PRKCB: variants seen among roughly 807,000 people sequenced by gnomAD.
PRKCB encodes the protein protein kinase C beta.
A neutral mutation model predicts 81.5 loss-of-function variants in PRKCB; 13 were observed. The observed-to-expected ratio is 0.16, with a 90% CI of 0.10 to 0.25. The LOEUF (loss-of-function observed/expected upper bound fraction) is 0.25, where lower values mean the gene tolerates loss of function less well. Ranked by LOEUF, PRKCB falls within the 10% of genes least tolerant of loss-of-function variation. PRKCB has a pLI of 1.00. For synonymous variants in PRKCB, 335 were observed against 321.4 expected, an observed-to-expected ratio of 1.04 and a Z score of -0.45; for missense variants, 509 against 875.7, an observed-to-expected ratio of 0.58 and a Z score of 5.29.
Position 23,959,169 on chromosome 16 carries a change from C to G in PRKCB, c.206-29339C>G, listed in dbSNP as rs1455444943. Among the ~76,000 whole-genome samples, 3 of 152,188 alleles carry G rather than the reference C, an allele frequency of 2.0e-5. No individual in the cohort carries two copies. In the East Asian group the frequency reaches 5.8e-4, roughly 29 times the overall value. On this transcript the variant is annotated intron_variant, in intron 2 of 16. Coordinates refer to ENST00000643927, the MANE Select transcript of PRKCB (RefSeq NM_002738.7). The stretch of plus-strand genomic sequence containing the variant: ...TAAACAATCTCACTTAGATACATCC[C>G]TTACCCCCTGTGGATTATGTCAAGG...
chr16:24,174,873 C>T, intron 12 of PRKCB: 2 of 310,128 alleles, frequency 6.4e-6, no homozygotes, highest in Non-Finnish European at 1.2e-5. Context: ...CTCAGTACTT[C>T]TTTCTCTTGC....
At chr16:24,082,656 T>G (rs544125071) in intron 5 of PRKCB, among the ~76,000 whole-genome samples, 1 of 152,276 alleles carries the variant, frequency 6.6e-6, no homozygotes, top group Non-Finnish European at 1.5e-5. Flanking sequence ...GACATTCATA[T>G]GAAAACAAAA....
chr16:24,094,290 G>T lies in PRKCB; in HGVS notation c.814G>T (p.Asp272Tyr). The change falls in exon 7 of 17, where the codon GAT (aspartate) becomes TAT (tyrosine). Residue 272 changes from aspartate (D) to tyrosine (Y), a missense_variant. By Grantham distance (160) the Asp-to-Tyr change is radical. This residue lies in a region of PRKCB where 184 missense variants were observed against 362.9 expected (regional missense o/e 0.51). Transcript: ENST00000643927. ...GISELQKASVDGWFKLLSQEE... is the reference protein window; with the variant it reads ...GISELQKASVYGWFKLLSQEE... ...TTCTGAACTTCAGAAAGCCAGTGTT[G>T]ATGGCTGGTAAGTAAGATTTTGCCT... 1 of 1,614,036 alleles carries T rather than the reference G, an allele frequency of 6.2e-7. No homozygotes were observed. Among genetic ancestry groups the T allele is most frequent in the Non-Finnish European group, 8.5e-7 (1 of 1,179,964 alleles).
chr16:23,841,746 C>G (rs536757640), intron 2 of PRKCB, among the ~76,000 whole-genome samples: 6 of 149,592 alleles, frequency 4.0e-5, no homozygotes, highest in Admixed American at 2.0e-4. Context: ...ACCTCCACTT[C>G]CCAGGTTCAA....
At chr16:24,186,490 C>A (rs778822756) in intron 15 of PRKCB, among the ~76,000 whole-genome samples, 1 of 152,172 alleles carries the variant, frequency 6.6e-6, no homozygotes, top group Non-Finnish European at 1.5e-5. Context: ...ACATAATATA[C>A]TAATAAAGGA....
intron 13 of PRKCB, among the ~76,000 whole-genome samples, chr16:24,181,785 A>AAAAAAAAAAAAAAAAAG (rs1567404410): frequency 6.7e-6 from 1 of 149,908 alleles, no homozygotes; most frequent in African/African-American, 2.4e-5. Context: ...AAAAAAAAAA[A>AAAAAAAAAAAAAAAAAG]AAAAAAGAAG....
intron 2 of PRKCB, among the ~76,000 whole-genome samples, chr16:23,904,906 C>T (rs1249655280): frequency 6.6e-6 from 1 of 152,046 alleles, no homozygotes; most frequent in South Asian, 2.1e-4. Flanking sequence ...TAAAACCAGG[C>T]TTTTTAAGAA....
At chr16:23,861,502 C>G (rs1962663325) in intron 2 of PRKCB, among the ~76,000 whole-genome samples, 1 of 152,138 alleles carries the variant, frequency 6.6e-6, no homozygotes, top group African/African-American at 2.4e-5. Flanking sequence ...TCTGGCGAGC[C>G]TAACAAGGAG....
In PRKCB at chr16:24,075,135, AT is replaced by A. The variant is rs1185339480; in HGVS notation, c.530-17653del. On this transcript the variant is annotated intron_variant, in intron 5 of 16. Transcript: ENST00000643927. ...CCTATCTCAAAAAAAAAAAAAAAAA[AT>A]TTAATTAAAGAAAATTAAATAAAAT... Among the ~76,000 whole-genome samples, 5 of 149,614 alleles carry A rather than the reference AT, an allele frequency of 3.3e-5. No individual in the cohort carries two copies. The South Asian group carries it at 8.4e-4, about 25-fold the overall frequency.
intron 10 of PRKCB, among the ~76,000 whole-genome samples, chr16:24,171,951 C>G (rs942976059): frequency 6.6e-6 from 1 of 152,102 alleles, no homozygotes; most frequent in Admixed American, 6.6e-5. Context: ...CCCTGTTGGC[C>G]AGGCTGGCCT....
At chr16:23,944,414 A>G (rs75264485) in intron 2 of PRKCB, among the ~76,000 whole-genome samples, 109 of 151,804 alleles carry the variant, frequency 7.2e-4, no homozygotes, top group Non-Finnish European at 1.4e-3. Context: ...AAATCTTTAG[A>G]TTTTTTTTTA....
At chr16:23,960,988 G>A (rs781564995) in intron 2 of PRKCB, among the ~76,000 whole-genome samples, 108 of 152,136 alleles carry the variant, frequency 7.1e-4, no homozygotes, top group Admixed American at 4.6e-4. Context: ...TTTGTGACAC[G>A]TAATAGAATT....
At chr16:24,090,110 C>A (rs181937166) in intron 5 of PRKCB, among the ~76,000 whole-genome samples, 297 of 152,310 alleles carry the variant, frequency 1.9e-3, no homozygotes, top group South Asian at 7.2e-3. Flanking sequence ...CCTATATCCC[C>A]AGGGCCTAGC....
chr16:23,916,413 A>G (rs1023531671), intron 2 of PRKCB, among the ~76,000 whole-genome samples: 4 of 151,844 alleles, frequency 2.6e-5, no homozygotes, highest in African/African-American at 7.3e-5. Context: ...AATTGTTTCT[A>G]TGGTCTCATT....
At chr16:24,102,825 G>T (rs1299155266) in intron 7 of PRKCB, among the ~76,000 whole-genome samples, 1 of 152,150 alleles carries the variant, frequency 6.6e-6, no homozygotes, top group Non-Finnish European at 1.5e-5. Flanking sequence ...TTGACTTTCA[G>T]TTGAACATTT....
chr16:24,166,285 G>T lies in PRKCB; in HGVS notation c.1240-5985G>T, dbSNP rs1967346604. On this transcript the variant is annotated intron_variant, in intron 10 of 16. Coordinates refer to ENST00000643927, the MANE Select transcript of PRKCB (RefSeq NM_002738.7). Reference sequence around the variant, plus strand: ...ATTGTGTGTAAGTTTTTTTAACGGAGTTAATAAAAATATTTTTAAAAAATA... The same window carrying T: ...ATTGTGTGTAAGTTTTTTTAACGGATTTAATAAAAATATTTTTAAAAAATA... Among the ~76,000 whole-genome samples the T allele has an allele frequency of 2.0e-5, 3 of 152,188 alleles. No homozygotes were observed. The South Asian group carries it at 6.2e-4, about 32-fold the overall frequency.
chr16:23,843,460 C>T (rs956933124), intron 2 of PRKCB, among the ~76,000 whole-genome samples: 6 of 151,816 alleles, frequency 4.0e-5, no homozygotes, highest in African/African-American at 1.2e-4. Context: ...TACCACCTGA[C>T]GGGGGATTTC....
chr16:24,188,671 G>C (rs1259325763), intron 15 of PRKCB, among the ~76,000 whole-genome samples: 1 of 151,950 alleles, frequency 6.6e-6, no homozygotes, highest in Admixed American at 6.6e-5. Flanking sequence ...AGCCCAAATA[G>C]ACAGGACCTT....
At chr16:23,904,604 A>G (rs1176093078) in intron 2 of PRKCB, among the ~76,000 whole-genome samples, 2 of 152,176 alleles carry the variant, frequency 1.3e-5, no homozygotes, top group Non-Finnish European at 2.9e-5. Flanking sequence ...TGAAGGTTGC[A>G]GTGAGCTGAG....
Sources: gnomAD v4.1 joint callset for allele counts (sites outside exome capture counted in the v4.1 genomes callset) on GRCh38, gnomAD v4.1.1 for gene constraint, gnomAD v4.1.1 regional missense constraint, MANE v1.5 for transcripts, NCBI Gene and HGNC (gene_info 2026-07-23, HGNC 2026-07-21) for gene names.